The following FHIT variants were observed in gnomAD, a reference collection of about 807,000 sequenced individuals.
FHIT encodes fragile histidine triad diadenosine triphosphatase.
In FHIT, 19 loss-of-function variants were observed where a neutral mutation model predicts 17.9. The observed-to-expected ratio is 1.06, with a 90% CI of 0.74 to 1.56. The LOEUF (loss-of-function observed/expected upper bound fraction) is 1.56. Among genes scored for constraint, FHIT ranks in the 40% most tolerant of loss-of-function variants. FHIT has a pLI of 0.00. For synonymous variants in FHIT, 81 were observed against 69.7 expected (o/e 1.16, Z -0.81); for missense variants, 248 against 189.2 (o/e 1.31, Z -1.82).
intron 5 of FHIT, among the ~76,000 whole-genome samples, chr3:60,224,112 T>C (rs1348078488): frequency 1.3e-5 from 2 of 152,092 alleles, no homozygotes; most frequent in Non-Finnish European, 2.9e-5. Flanking sequence ...CACCAAAGCC[T>C]CTCAACAAAT....
intron 5 of FHIT, among the ~76,000 whole-genome samples, chr3:60,420,958 C>G (rs1444756607): frequency 6.6e-6 from 1 of 152,010 alleles, no homozygotes; most frequent in African/African-American, 2.4e-5. Flanking sequence ...CAAATTCTAA[C>G]TTTCTCGTCT....
Position 60,030,077 on chromosome 3 carries a change from T to C in FHIT, c.104-15925A>G, listed in dbSNP as rs535985249. The stretch of plus-strand genomic sequence containing the variant: ...TTTTGTTTGTGACTCCATTTGATTC[T>C]GACAACTTTTATATTATCAAACCTC... On this transcript the variant is annotated intron_variant, in intron 5 of 9. Coordinates refer to ENST00000492590, the MANE Select transcript of FHIT (RefSeq NM_002012.4). Among the ~76,000 whole-genome samples, 382 of 152,272 alleles carry C rather than the reference T, an allele frequency of 2.5e-3. 2 individuals carry two copies. In the Middle Eastern group the frequency reaches 0.031, roughly 12 times the overall value.
chr3:60,508,413 T>G (rs1403571732), intron 5 of FHIT, among the ~76,000 whole-genome samples: 1 of 152,176 alleles, frequency 6.6e-6, no homozygotes, highest in Non-Finnish European at 1.5e-5. Context: ...TAATGGTAGG[T>G]AATTTCAACT....
intron 3 of FHIT, among the ~76,000 whole-genome samples, chr3:60,861,107 C>T (rs1703791370): frequency 1.2e-5 from 1 of 82,436 alleles, no homozygotes; most frequent in African/African-American, 4.4e-5. Flanking sequence ...CATATATACA[C>T]ATATATCCTA....
rs1160077721 is a variant in FHIT, at chr3:60,178,092, T to A, written c.104-163940A>T. Among the ~76,000 whole-genome samples, 5 of 152,300 alleles carry A rather than the reference T, an allele frequency of 3.3e-5. No homozygotes were observed. The East Asian group carries it at 9.6e-4, about 29-fold the overall frequency. On this transcript the variant is annotated intron_variant, in intron 5 of 9. Transcript: ENST00000492590. ...CCTGATTAGCTATTATATAAAACAC[T>A]GAAAGAAGAAATTTCTGTTCAGGAG...
At chr3:60,516,497 G>A (rs1225812057) in intron 5 of FHIT, among the ~76,000 whole-genome samples, 1 of 152,090 alleles carries the variant, frequency 6.6e-6, no homozygotes, top group African/African-American at 2.4e-5. Context: ...GGGGCCCCAG[G>A]ACCACTGGTC....
chr3:60,716,690 A>G (rs939356521), intron 4 of FHIT, among the ~76,000 whole-genome samples: 1 of 152,252 alleles, frequency 6.6e-6, no homozygotes, highest in African/African-American at 2.4e-5. Flanking sequence ...AACCAGTAAC[A>G]GTCATTTGTT....
At chr3:61,119,732 G>A (rs974091655) in intron 2 of FHIT, among the ~76,000 whole-genome samples, 1 of 152,238 alleles carries the variant, frequency 6.6e-6, no homozygotes, top group African/African-American at 2.4e-5. Flanking sequence ...AAAAGGCAGA[G>A]GAAGGGTGAA....
intron 4 of FHIT, among the ~76,000 whole-genome samples, chr3:60,667,742 C>T (rs903636070): frequency 1.2e-4 from 5 of 40,426 alleles, no homozygotes; most frequent in Admixed American, 3.7e-4. Context: ...TTAAGTCTTT[C>T]GTTGTAAGTC....
chr3:60,716,891 A>G (rs2041696704), intron 4 of FHIT, among the ~76,000 whole-genome samples: 2 of 152,142 alleles, frequency 1.3e-5, no homozygotes, highest in South Asian at 2.1e-4. Flanking sequence ...CCACCCTCAT[A>G]TCTGCAGTCT....
intron 3 of FHIT, among the ~76,000 whole-genome samples, chr3:60,904,341 C>T (rs924581575): frequency 2.6e-5 from 4 of 151,938 alleles, no homozygotes; most frequent in Admixed American, 2.6e-4. Context: ...GCCTTGAGAT[C>T]CAACATGATT....
intron 2 of FHIT, among the ~76,000 whole-genome samples, chr3:61,073,790 ACTAG>A (rs572121023): frequency 2.6e-5 from 4 of 152,184 alleles, no homozygotes; most frequent in Non-Finnish European, 5.9e-5. Context: ...GACTGTAATG[ACTAG>A]CAATTTAAAT....
At chr3:60,335,789 T>C (rs1452355869) in intron 5 of FHIT, among the ~76,000 whole-genome samples, 1 of 152,176 alleles carries the variant, frequency 6.6e-6, no homozygotes, top group Non-Finnish European at 1.5e-5. Context: ...TTCTCTTTAC[T>C]TAAATGTAAG....
intron 3 of FHIT, among the ~76,000 whole-genome samples, chr3:61,019,858 A>G (rs1437022034): frequency 2.6e-5 from 4 of 152,084 alleles, no homozygotes; most frequent in Non-Finnish European, 5.9e-5. Flanking sequence ...ATTTATTCAT[A>G]TGATTTTCTC....
chr3:60,741,220 A>G (rs2042234274), intron 4 of FHIT, among the ~76,000 whole-genome samples: 1 of 152,314 alleles, frequency 6.6e-6, no homozygotes, highest in African/African-American at 2.4e-5. Context: ...CCAGCTCCTC[A>G]AAATAGCTAA....
rs190408154 is a variant in FHIT, at chr3:61,021,374, C to T, written c.-111+20673G>A. Among the ~76,000 whole-genome samples, 1,353 of 150,798 alleles carry T rather than the reference C, an allele frequency of 9.0e-3. 16 individuals are homozygous for T. Among genetic ancestry groups the T allele is most frequent in the African/African-American group, 0.029 (1,215 of 41,332 alleles). The stretch of plus-strand genomic sequence containing the variant: ...CAGCACTTTGGGAGGCCGAGGCGGG[C>T]GGATCACGAGGTCAGGAGATCGAGA... On this transcript the variant is annotated intron_variant, in intron 3 of 9. Transcript: ENST00000492590.
chr3:60,030,714 CAATG>C (rs1193176486), intron 5 of FHIT, among the ~76,000 whole-genome samples: 3 of 151,954 alleles, frequency 2.0e-5, no homozygotes, highest in Non-Finnish European at 4.4e-5. Context: ...ATTGGTGGGT[CAATG>C]GATGGATGGA....
intron 2 of FHIT, among the ~76,000 whole-genome samples, chr3:61,051,863 A>G (rs1194194642): frequency 3.9e-5 from 6 of 152,216 alleles, no homozygotes; most frequent in Non-Finnish European, 7.3e-5. Flanking sequence ...GTTACACTGC[A>G]TCTAATGATG....
At chr3:60,645,146 T>C (rs1486435337) in intron 4 of FHIT, among the ~76,000 whole-genome samples, 1 of 152,114 alleles carries the variant, frequency 6.6e-6, no homozygotes, top group African/African-American at 2.4e-5. Context: ...ACTCCTTCAG[T>C]TACTGTATTG....
Sources: gnomAD v4.1 joint callset for allele counts (sites outside exome capture counted in the v4.1 genomes callset) on GRCh38, gnomAD v4.1.1 for gene constraint, MANE v1.5 for transcripts, NCBI Gene and HGNC (gene_info 2026-07-23, HGNC 2026-07-21) for gene names.